Variants in SUN3 observed in about 807,000 individuals in gnomAD.
SUN3 encodes Sad1 and UNC84 domain containing 3, also known as SUN domain-containing protein 3.
In SUN3, 36 loss-of-function variants were observed where a neutral mutation model predicts 48.2. That is an observed-to-expected ratio of 0.75 (90% confidence interval 0.57 to 0.99). SUN3 has a LOEUF of 0.99. Ranked by LOEUF, SUN3 falls within the 50% of genes least tolerant of loss-of-function variation. The pLI, the probability that SUN3 is intolerant of heterozygous loss-of-function variation, is 0.00. For missense variants in SUN3, 419 were observed against 433.1 expected (o/e 0.97, Z 0.29); for synonymous variants, 148 against 147.9 (o/e 1.00, Z 0.00).
At chr7:48,019,146 A>G (rs1403945874) in intron 2 of SUN3, among the ~76,000 whole-genome samples, 1 of 152,206 alleles carries the variant, frequency 6.6e-6, no homozygotes, top group African/African-American at 2.4e-5. Flanking sequence ...CAGAAAGAGA[A>G]AAGTGAAAAA....
chr7:47,992,770 G>A (rs1789103225), intron 8 of SUN3, among the ~76,000 whole-genome samples: 1 of 152,170 alleles, frequency 6.6e-6, no homozygotes, highest in Non-Finnish European at 1.5e-5. Context: ...GTTATCTGAT[G>A]TGAATCAACA....
chr7:48,010,466 T>G lies in SUN3; in HGVS notation c.289-1391A>C, dbSNP rs542295031. Among the ~76,000 whole-genome samples the G allele has an allele frequency of 8.4e-4, 128 of 152,298 alleles. 3 individuals are homozygous for G. In the South Asian group the frequency reaches 0.026, roughly 31 times the overall value. On this transcript the variant is annotated intron_variant, in intron 3 of 9. Coordinates refer to ENST00000297325, the MANE Select transcript of SUN3 (RefSeq NM_001030019.2). ...CCTACCCTGACATGTTTTACTCAAG[T>G]GGTTTATCAATTAAGAGGCAGTATC...
chr7:47,988,954 C>A, intron 8 of SUN3, 74 bp from the exon 9 acceptor site: 1 of 840,832 alleles, frequency 1.2e-6, no homozygotes, highest in South Asian at 1.6e-5. Flanking sequence ...ACCAACAATT[C>A]ACCAAATATC....
rs369686100 is a variant in SUN3, at chr7:48,014,603, G to A, written c.288+2659C>T. On this transcript the variant is annotated intron_variant, in intron 3 of 9. Transcript: ENST00000297325. ...TAATGAGGAGACATTTGGACTAGCT[G>A]GAATTTCAGAAAGAAACCAATCCTG... Among the ~76,000 whole-genome samples, 19 of 152,302 alleles carry A rather than the reference G, an allele frequency of 1.2e-4. No individual in the cohort carries two copies. In the East Asian group the frequency reaches 3.3e-3, roughly 26 times the overall value.
Position 48,005,850 on chromosome 7 carries a change from TC to T in SUN3, c.577+118del, listed in dbSNP as rs34145615. 2.2e-3 allele frequency: 968 copies of T among 446,334 alleles called. 7 individuals are homozygous for T. Among genetic ancestry groups the T allele is most frequent in the Non-Finnish European group, 2.5e-3 (617 of 247,722 alleles). 27.6% of individuals were successfully genotyped at this position (446,334 alleles called of 1,614,324 possible). A position where few individuals can be genotyped will look rare whatever the true frequency, so the allele number is the denominator to read the frequency against. ...TCTTTATTATCTAAATTGATTAATT[TC>T]CCCCCCCCAAGTTACCAGATAAATA... On this transcript the variant is annotated intron_variant, in intron 6 of 9. Transcript: ENST00000297325.
At chr7:48,005,928 T>G in intron 6 of SUN3, 41 bp downstream of exon 6, 1 of 1,379,706 alleles carries the variant, frequency 7.2e-7, no homozygotes, top group Non-Finnish European at 1.0e-6. Context: ...GAAGCATTCT[T>G]TTTTTTTTAA....
chr7:48,002,231 C>G (rs1406948321), intron 6 of SUN3, among the ~76,000 whole-genome samples: 2 of 128,636 alleles, frequency 1.6e-5, no homozygotes, highest in Non-Finnish European at 1.5e-5. Context: ...GCGATCTCGG[C>G]TCACTGCAAG....
intron 3 of SUN3, among the ~76,000 whole-genome samples, chr7:48,009,541 C>A (rs534387165): frequency 5.9e-5 from 9 of 152,246 alleles, no homozygotes; most frequent in African/African-American, 2.2e-4. Context: ...AGGAGGGGGA[C>A]TCCCACTTAC....
At chr7:48,026,589 C>T (rs1214966290) in intron 1 of SUN3, among the ~76,000 whole-genome samples, 4 of 151,596 alleles carry the variant, frequency 2.6e-5, no homozygotes, top group African/African-American at 9.7e-5. Context: ...CCAACACACA[C>T]ACACACACAC....
At chr7:47,990,923 G>A in intron 8 of SUN3, 1 of 402,724 alleles carries the variant, frequency 2.5e-6, no homozygotes, top group Non-Finnish European at 4.7e-6. Flanking sequence ...ACACAAAGCG[G>A]AGCAACAGAC....
intron 3 of SUN3, among the ~76,000 whole-genome samples, chr7:48,016,965 A>G (rs1447508392): frequency 3.9e-5 from 6 of 151,942 alleles, no homozygotes; most frequent in Non-Finnish European, 5.9e-5. Context: ...TTAGGAGCCC[A>G]CTCTTCAGGT....
At chr7:48,028,547 G>A (rs73337813) in intron 1 of SUN3, among the ~76,000 whole-genome samples, 10,236 of 148,556 alleles carry the variant, frequency 0.069, 1,176 homozygotes, top group African/African-American at 0.24. Flanking sequence ...TGCTGCTGTG[G>A]CTCATTCTTT....
At chr7:48,015,795 G>T (rs74574661) in intron 3 of SUN3, among the ~76,000 whole-genome samples, 5,432 of 152,252 alleles carry the variant, frequency 0.036, 150 homozygotes, top group Middle Eastern at 0.14. Flanking sequence ...ACTCCATCAT[G>T]CTTCTAACTT....
At chr7:47,997,877 A>G (rs1386240608) in intron 6 of SUN3, among the ~76,000 whole-genome samples, 1 of 152,208 alleles carries the variant, frequency 6.6e-6, no homozygotes, top group Non-Finnish European at 1.5e-5. Context: ...CATTTAGCCA[A>G]TGCATTTGAG....
intron 3 of SUN3, among the ~76,000 whole-genome samples, chr7:48,014,279 TG>T (rs1789753103): frequency 6.6e-6 from 1 of 152,270 alleles, no homozygotes; most frequent in African/African-American, 2.4e-5. Flanking sequence ...TTGAGTATGC[TG>T]GTTAGTCTAA....
intron 3 of SUN3, among the ~76,000 whole-genome samples, chr7:48,014,281 G>A (rs371462936): frequency 7.2e-5 from 11 of 152,154 alleles, no homozygotes; most frequent in African/African-American, 2.4e-4. Flanking sequence ...GAGTATGCTG[G>A]TTAGTCTAAA....
rs1427388532 is a variant in SUN3 at position 48,029,023 on chromosome 7, A to C, written c.-85T>G. ...TATTTTATGAAAAACATGAAGCTAT[A>C]CATACAGTTTCTAAATTTGTTTTGT... is the stretch of plus-strand genomic sequence containing the variant. On this transcript the variant is annotated 5_prime_UTR_variant, in exon 1 of 10. Transcript: ENST00000297325. The C allele has an allele frequency of 1.0e-5, 16 of 1,567,470 alleles. No individual in the cohort carries two copies. Among genetic ancestry groups the C allele is most frequent in the Non-Finnish European group, 1.3e-5 (15 of 1,159,830 alleles).
At chr7:47,995,687 C>G (rs552311462) in intron 7 of SUN3, among the ~76,000 whole-genome samples, 2 of 152,198 alleles carry the variant, frequency 1.3e-5, no homozygotes, top group South Asian at 4.1e-4. Context: ...GTACTTTCAA[C>G]AAATGTTTGT....
intron 6 of SUN3, among the ~76,000 whole-genome samples, chr7:47,996,802 C>CTTTTT (rs35247146): frequency 3.0e-5 from 4 of 135,360 alleles, no homozygotes; most frequent in East Asian, 2.1e-4. Flanking sequence ...TTCTTTCCTT[C>CTTTTT]TTTTTTTTTT....
Sources: gnomAD v4.1 joint callset for allele counts (sites outside exome capture counted in the v4.1 genomes callset) on GRCh38, gnomAD v4.1.1 for gene constraint, MANE v1.5 for transcripts, NCBI Gene and HGNC (gene_info 2026-07-23, HGNC 2026-07-21) for gene names.